ZNF521: variants seen among roughly 807,000 people sequenced by gnomAD.
ZNF521 encodes the protein LYST-interacting protein 3.
In ZNF521, 14 loss-of-function variants were observed where a neutral mutation model predicts 105.5. The observed-to-expected ratio is 0.13, with a 90% CI of 0.09 to 0.21. The LOEUF (loss-of-function observed/expected upper bound fraction) is 0.21. Among genes scored for constraint, ZNF521 ranks in the 10% least tolerant of loss-of-function variants. ZNF521 has a pLI of 1.00. For synonymous variants in ZNF521, 635 were observed against 606.0 expected (o/e 1.05, Z -0.70); for missense variants, 1,233 against 1,629.7 (o/e 0.76, Z 4.19).
At chr18:25,131,020 G>C (rs2034632502) in intron 5 of ZNF521, among the ~76,000 whole-genome samples, 1 of 151,944 alleles carries the variant, frequency 6.6e-6, no homozygotes, top group South Asian at 2.1e-4. Flanking sequence ...TCCGATTGGA[G>C]AGTCTCCATG....
intron 2 of ZNF521, among the ~76,000 whole-genome samples, chr18:25,335,566 T>C (rs570434184): frequency 4.6e-5 from 7 of 152,332 alleles, no homozygotes; most frequent in African/African-American, 1.7e-4. Flanking sequence ...CCTTTGTCAC[T>C]TTCTATCATT....
At chr18:25,190,251 T>TG (rs112179523) in intron 5 of ZNF521, among the ~76,000 whole-genome samples, 3,193 of 152,128 alleles carry the variant, frequency 0.021, 129 homozygotes, top group African/African-American at 0.073. Context: ...CAAATAAGGA[T>TG]TTTTTTTAAA....
intron 7 of ZNF521, among the ~76,000 whole-genome samples, chr18:25,087,523 C>G (rs1205843236): frequency 6.6e-6 from 1 of 152,190 alleles, no homozygotes; most frequent in Non-Finnish European, 1.5e-5. Flanking sequence ...TCTAAAGAAA[C>G]TCTACAGCTT....
At chr18:25,250,095 C>T (rs1908008973) in intron 3 of ZNF521, among the ~76,000 whole-genome samples, 1 of 152,086 alleles carries the variant, frequency 6.6e-6, no homozygotes, top group Non-Finnish European at 1.5e-5. Context: ...CCCGCCACCA[C>T]TCCCGGCTAA....
At chr18:25,207,970 T>C (rs894492780) in intron 4 of ZNF521, among the ~76,000 whole-genome samples, 13 of 152,152 alleles carry the variant, frequency 8.5e-5, no homozygotes, top group Admixed American at 7.2e-4. Flanking sequence ...GTATATAATA[T>C]GAAAGGTGAG....
rs965439782 is a variant in ZNF521, at chr18:25,328,890, A to C, written c.41-6703T>G. 5.9e-5 allele frequency among the ~76,000 whole-genome samples: 9 copies of C among 152,340 alleles called. No homozygotes were observed. In the East Asian group the frequency reaches 9.6e-4, roughly 16 times the overall value. On this transcript the variant is annotated intron_variant, in intron 2 of 7. Transcript: ENST00000361524. ...CTTTAACATGAAATTTGGTAAAAGA[A>C]AGACACAATGGAAGAAAGCAACTTC...
At chr18:25,288,693 C>T (rs1910844996) in intron 3 of ZNF521, among the ~76,000 whole-genome samples, 1 of 151,084 alleles carries the variant, frequency 6.6e-6, no homozygotes, top group Non-Finnish European at 1.5e-5. Context: ...CACACATTTA[C>T]ATGCAGCCAG....
intron 7 of ZNF521, among the ~76,000 whole-genome samples, chr18:25,080,306 C>T (rs1479551076): frequency 1.3e-5 from 2 of 152,180 alleles, no homozygotes; most frequent in South Asian, 2.1e-4. Context: ...TTTAAAGCCT[C>T]GGAGTTGCTG....
intron 5 of ZNF521, among the ~76,000 whole-genome samples, chr18:25,124,122 C>T (rs1050480282): frequency 6.6e-6 from 1 of 152,088 alleles, no homozygotes; most frequent in African/African-American, 2.4e-5. Flanking sequence ...ATGCTCTTTT[C>T]TCTAAATTTC....
intron 2 of ZNF521, among the ~76,000 whole-genome samples, chr18:25,325,741 C>T (rs45592539): frequency 0.094 from 14,256 of 152,198 alleles, 769 homozygotes; most frequent in Middle Eastern, 0.19. Flanking sequence ...TGGATTTATA[C>T]CGTTCTGATT....
At chr18:25,261,804 G>T (rs555284507) in intron 3 of ZNF521, among the ~76,000 whole-genome samples, 3 of 152,204 alleles carry the variant, frequency 2.0e-5, no homozygotes, top group East Asian at 1.9e-4. Context: ...CGGCTCTGCT[G>T]AAAGTCCTAT....
intron 3 of ZNF521, among the ~76,000 whole-genome samples, chr18:25,316,288 A>G (rs1912610525): frequency 6.6e-6 from 1 of 151,368 alleles, no homozygotes; most frequent in Non-Finnish European, 1.5e-5. Context: ...AAAGATGCAA[A>G]TGGGGCTGAA....
Position 25,227,745 on chromosome 18 carries a change from A to C in ZNF521, c.221-48T>G. On this transcript the variant is annotated intron_variant, in intron 3 of 7. Coordinates refer to ENST00000361524, the MANE Select transcript of ZNF521 (RefSeq NM_015461.3). This position sits in a 1 kb window ranked among gnomAD's most constrained non-coding sequence, Gnocchi z 5.7. ...ATTTCATCTGACATGTTGAGATTCA[A>C]GAGTGAGTTTACCGTAGCATTTCAA... The C allele has an allele frequency of 6.6e-7, 1 of 1,521,718 alleles. No individual in the cohort carries two copies. Among genetic ancestry groups the C allele is most frequent in the South Asian group, 1.2e-5 (1 of 80,664 alleles). The allele number at this position is 1,521,718 out of a possible 1,614,324, so 94.3% of individuals were successfully genotyped here. A position where few individuals can be genotyped will look rare whatever the true frequency, so the allele number is the denominator to read the frequency against.
intron 3 of ZNF521, chr18:25,302,580 C>G (rs139370555): frequency 6.6e-6 from 1 of 152,122 alleles, no homozygotes; most frequent in African/African-American, 2.4e-5. Flanking sequence ...GGCAAACATT[C>G]CCTGGGGTCA....
intron 3 of ZNF521, among the ~76,000 whole-genome samples, chr18:25,297,395 T>TA (rs1409078057): frequency 1.3e-5 from 2 of 152,182 alleles, no homozygotes; most frequent in Non-Finnish European, 2.9e-5. Context: ...ATATTCAAGT[T>TA]ACAGCAAATC....
rs1022711392 is a variant in ZNF521, at chr18:25,068,829, C to T, written c.3907-6088G>A. On this transcript the variant is annotated intron_variant, in intron 7 of 7. Transcript: ENST00000361524. ...CCCGTTCCCAGAAGCATATACTGTACGTGACTTAAAATGCTAGAATATTGA... is the reference window on the plus strand; with the variant it reads ...CCCGTTCCCAGAAGCATATACTGTATGTGACTTAAAATGCTAGAATATTGA... 3.3e-5 allele frequency among the ~76,000 whole-genome samples: 5 copies of T among 152,154 alleles called. No homozygotes were observed. The East Asian group carries it at 5.8e-4, about 18-fold the overall frequency.
intron 5 of ZNF521, among the ~76,000 whole-genome samples, chr18:25,120,614 CAAACAA>C (rs2034420613): frequency 7.1e-6 from 1 of 141,750 alleles, no homozygotes; most frequent in African/African-American, 2.9e-5. Context: ...CACAAACAAA[CAAACAA>C]ACAAACAAAA....
At chr18:25,077,371 C>T (rs1171513624) in intron 7 of ZNF521, among the ~76,000 whole-genome samples, 1 of 152,226 alleles carries the variant, frequency 6.6e-6, no homozygotes, top group Admixed American at 6.5e-5. Context: ...CCAGGCCAGA[C>T]TGTCTCCTGT....
chr18:25,184,664 G>A (rs566702786), intron 5 of ZNF521, among the ~76,000 whole-genome samples: 3 of 152,212 alleles, frequency 2.0e-5, no homozygotes, highest in East Asian at 1.9e-4. Flanking sequence ...TGGCGTCACC[G>A]GCCAACCAGT....
Sources: allele counts gnomAD v4.1 joint callset (sites outside exome capture counted in the v4.1 genomes callset), GRCh38; gene constraint gnomAD v4.1.1; non-coding constraint Gnocchi (gnomAD v3.1); transcripts MANE v1.5; gene names NCBI Gene and HGNC (gene_info 2026-07-23, HGNC 2026-07-21).